RNF169: variants seen among roughly 807,000 people sequenced by gnomAD.
RNF169 encodes ring finger protein 169.
Under a neutral mutation model 53.9 loss-of-function variants are expected in RNF169, and 24 were observed. The observed-to-expected ratio is 0.45, with a 90% CI of 0.32 to 0.63. RNF169 has a LOEUF of 0.63. Ranked by LOEUF, RNF169 falls within the 20% of genes least tolerant of loss-of-function variation. RNF169 has a pLI of 0.04. For synonymous variants in RNF169, 396 were observed against 363.5 expected, an observed-to-expected ratio of 1.09 and a Z score of -1.02; for missense variants, 883 against 906.2, an observed-to-expected ratio of 0.97 and a Z score of 0.33.
intron 2 of RNF169, among the ~76,000 whole-genome samples, chr11:74,808,658 G>A (rs1373554526): frequency 6.6e-6 from 1 of 152,212 alleles, no homozygotes; most frequent in Non-Finnish European, 1.5e-5. Context: ...CTGACACGTA[G>A]AGTTCAGTAA....
rs765943976 is a variant in RNF169, at chr11:74,836,131, A to G, written c.1528A>G (p.Thr510Ala). The G allele has an allele frequency of 2.5e-6, 4 of 1,614,200 alleles. No homozygotes were observed. The Admixed American group carries it at 6.7e-5, about 27-fold the overall frequency. Residue 510 changes from threonine (T) to alanine (A), a missense_variant, in exon 6 of 6, where the codon ACA becomes GCA. Thr to Ala is a moderately conservative substitution (Grantham distance 58, BLOSUM62 0). Around this residue, in one of 3 missense-constraint regions of RNF169, gnomAD observed 351 missense variants for 337.3 expected, o/e 1.04. Coordinates refer to ENST00000299563, the MANE Select transcript of RNF169 (RefSeq NM_001098638.2). ...DLDHFPSVSQ[T>A]KAEQDSDNKS... ...TGATCATTTCCCCTCTGTTAGCCAA[A>G]CAAAAGCAGAACAGGACAGTGATAA...
chr11:74,795,412 G>A (rs1187531221), intron 2 of RNF169, among the ~76,000 whole-genome samples: 1 of 151,976 alleles, frequency 6.6e-6, no homozygotes, highest in Non-Finnish European at 1.5e-5. Flanking sequence ...TTGAACCTCT[G>A]GGCTCAAGCA....
chr11:74,756,580 T>C (rs556960082), intron 1 of RNF169, among the ~76,000 whole-genome samples: 22 of 152,338 alleles, frequency 1.4e-4, no homozygotes, highest in Admixed American at 5.2e-4. Context: ...GGGTCAGGAA[T>C]GGCTTCAGTG....
chr11:74,802,311 G>C (rs1486755799), intron 2 of RNF169, among the ~76,000 whole-genome samples: 1 of 152,222 alleles, frequency 6.6e-6, no homozygotes, highest in Non-Finnish European at 1.5e-5. Context: ...GGTATGGTTT[G>C]TGTCAAAAAA....
At chr11:74,785,740 T>C (rs2035491172) in intron 1 of RNF169, among the ~76,000 whole-genome samples, 1 of 152,054 alleles carries the variant, frequency 6.6e-6, no homozygotes, top group African/African-American at 2.4e-5. Flanking sequence ...TTGGTGACTG[T>C]AAATTAGTAC....
At chr11:74,793,677 G>A (rs559293921) in intron 2 of RNF169, among the ~76,000 whole-genome samples, 53 of 151,990 alleles carry the variant, frequency 3.5e-4, no homozygotes, top group African/African-American at 1.3e-3. Context: ...CTTTTGAGTT[G>A]GTATGCTTAC....
chr11:74,816,457 A>G (rs966834728), intron 3 of RNF169, among the ~76,000 whole-genome samples: 1 of 152,238 alleles, frequency 6.6e-6, no homozygotes, highest in Non-Finnish European at 1.5e-5. Flanking sequence ...TCATTACATT[A>G]TATGTTAAAG....
Position 74,835,608 on chromosome 11 carries a change from C to T in RNF169, c.1005C>T (p.Asn335=), listed in dbSNP as rs1484779107. ...GTGTCCTCTTGTCAACTCAAAACAA[C>T]CGCTGCGTCTCGGCCCCTGACTTAA... ...IIGVLLSTQN[N]RCVSAPDLTI... Residue 335 remains asparagine (N), a synonymous_variant, in exon 6 of 6, where the codon AAC becomes AAT. Coordinates refer to ENST00000299563, the MANE Select transcript of RNF169 (RefSeq NM_001098638.2). The T allele has an allele frequency of 6.2e-7, 1 of 1,614,090 alleles. No individual in the cohort carries two copies.
chr11:74,827,110 T>C (rs1474110171), intron 4 of RNF169, among the ~76,000 whole-genome samples: 1 of 152,238 alleles, frequency 6.6e-6, no homozygotes, highest in Admixed American at 6.5e-5. Context: ...AGCAGACTTC[T>C]GCCTGGACAT....
intron 4 of RNF169, among the ~76,000 whole-genome samples, chr11:74,826,197 G>A (rs2036093595): frequency 1.3e-5 from 2 of 152,086 alleles, no homozygotes; most frequent in South Asian, 4.1e-4. Context: ...GTGGTGACAT[G>A]CACCTGTAAT....
In RNF169 at chr11:74,835,583, G is replaced by C; in HGVS notation, c.980G>C (p.Gly327Ala). The change falls in exon 6 of 6, where the codon GGT becomes GCT. Residue 327 changes from glycine (G) to alanine (A), a missense_variant. Gly to Ala is a moderately conservative substitution (Grantham distance 60). Transcript: ENST00000299563. Reference protein sequence around the residue: ...TMTPASNPIIGVLLSTQNNRC... With the variant: ...TMTPASNPIIAVLLSTQNNRC... Reference sequence around the variant, plus strand: ...ACTCCAGCCTCCAACCCCATCATTGGTGTCCTCTTGTCAACTCAAAACAAC... The same window carrying C: ...ACTCCAGCCTCCAACCCCATCATTGCTGTCCTCTTGTCAACTCAAAACAAC... The C allele has an allele frequency of 6.2e-7, 1 of 1,614,056 alleles. No homozygotes were observed. Among genetic ancestry groups the C allele is most frequent in the Middle Eastern group, 1.7e-4 (1 of 6,060 alleles).
At chr11:74,810,106 A>G (rs2035854792) in intron 2 of RNF169, 78 bp from the exon 3 acceptor site, 4 of 1,291,694 alleles carry the variant, frequency 3.1e-6, no homozygotes, top group East Asian at 2.3e-5. Context: ...TGTTTGTTCT[A>G]ATAAACTACA....
chr11:74,754,556 C>T (rs2034950684), intron 1 of RNF169, among the ~76,000 whole-genome samples: 2 of 152,164 alleles, frequency 1.3e-5, no homozygotes, highest in South Asian at 4.1e-4. Context: ...CGCGGTGGCT[C>T]ACATCTGTAA....
chr11:74,808,147 C>T (rs1247796360), intron 2 of RNF169: 5 of 151,912 alleles, frequency 3.3e-5, no homozygotes, highest in East Asian at 1.9e-4. Flanking sequence ...ATCATTTGAG[C>T]TCAGGAGTTT....
At chr11:74,825,072 A>G (rs768487099) in intron 4 of RNF169, among the ~76,000 whole-genome samples, 4 of 152,266 alleles carry the variant, frequency 2.6e-5, no homozygotes, top group Admixed American at 2.6e-4. Flanking sequence ...AATATCAGAC[A>G]ATATAGACTT....
At chr11:74,826,992 G>A (rs1172347015) in intron 4 of RNF169, among the ~76,000 whole-genome samples, 1 of 152,160 alleles carries the variant, frequency 6.6e-6, no homozygotes, top group African/African-American at 2.4e-5. Flanking sequence ...TCTGGAGGAA[G>A]GTAGCCCTCT....
At chr11:74,768,817 A>T (rs368110051) in intron 1 of RNF169, among the ~76,000 whole-genome samples, 1 of 152,058 alleles carries the variant, frequency 6.6e-6, no homozygotes, top group South Asian at 2.1e-4. Context: ...GGTTGAGGTG[A>T]GAGGATTGCT....
intron 1 of RNF169, among the ~76,000 whole-genome samples, chr11:74,751,341 T>A (rs566630645): frequency 2.6e-5 from 4 of 152,212 alleles, no homozygotes; most frequent in African/African-American, 4.8e-5. Context: ...ATTTTGTGGA[T>A]GTGGTGTGAT....
At chr11:74,831,493 A>C (rs1005106284) in intron 4 of RNF169, 2 of 151,190 alleles carry the variant, frequency 1.3e-5, no homozygotes, top group African/African-American at 4.9e-5. Flanking sequence ...GAAATTAAAG[A>C]AGATCTAACT....
Sources: allele counts gnomAD v4.1 joint callset (sites outside exome capture counted in the v4.1 genomes callset), GRCh38; gene constraint gnomAD v4.1.1; regional missense constraint gnomAD v4.1.1; transcripts MANE v1.5; gene names NCBI Gene and HGNC (gene_info 2026-07-23, HGNC 2026-07-21).